PRKAG2: variants seen among roughly 807,000 people sequenced by gnomAD.
PRKAG2 encodes 5'-AMP-activated protein kinase subunit gamma-2.
In PRKAG2, 26 loss-of-function variants were observed where a neutral mutation model predicts 69.6. The observed-to-expected ratio is 0.37, with a 90% CI of 0.27 to 0.52. The LOEUF (loss-of-function observed/expected upper bound fraction) is 0.52. Among genes scored for constraint, PRKAG2 ranks in the 20% least tolerant of loss-of-function variants. The pLI is 0.90. For synonymous variants in PRKAG2, 293 were observed against 285.0 expected (o/e 1.03, Z -0.28); for missense variants, 557 against 740.0 (o/e 0.75, Z 2.87).
intron 4 of PRKAG2, among the ~76,000 whole-genome samples, chr7:151,650,752 A>C (rs777835251): frequency 1.3e-5 from 2 of 152,182 alleles, no homozygotes; most frequent in Non-Finnish European, 2.9e-5. Flanking sequence ...CTCCTACTCC[A>C]GGGGAGAAGG....
intron 1 of PRKAG2, among the ~76,000 whole-genome samples, chr7:151,857,168 T>C (rs113821051): frequency 7.8e-5 from 11 of 141,148 alleles, no homozygotes; most frequent in Non-Finnish European, 1.2e-4. Flanking sequence ...GTATAAGGGA[T>C]GGGCACAGAA....
At chr7:151,859,156 C>T (rs556734254) in intron 1 of PRKAG2, among the ~76,000 whole-genome samples, 4 of 152,246 alleles carry the variant, frequency 2.6e-5, no homozygotes, top group Non-Finnish European at 5.9e-5. Context: ...AGCAAACAGC[C>T]GATACCACAT....
At chr7:151,573,685 T>C (rs1431065934) in intron 8 of PRKAG2, among the ~76,000 whole-genome samples, 1 of 152,182 alleles carries the variant, frequency 6.6e-6, no homozygotes, top group Non-Finnish European at 1.5e-5. Context: ...AAGCCCGTGT[T>C]CACTTGCATT....
At chr7:151,675,779 G>C in intron 3 of PRKAG2, 142 bp from the exon 4 acceptor site, 1 of 803,842 alleles carries the variant, frequency 1.2e-6, no homozygotes, top group Non-Finnish European at 2.1e-6. Context: ...GGGGCAGTCA[G>C]AGGTCCGGCC....
At chr7:151,841,968 G>A (rs1234366680) in intron 1 of PRKAG2, among the ~76,000 whole-genome samples, 1 of 145,574 alleles carries the variant, frequency 6.9e-6, no homozygotes, top group African/African-American at 2.6e-5. Flanking sequence ...TGGTAGGTAG[G>A]GATGGTAGTG....
At chr7:151,752,260 A>T (rs2074743992) in intron 3 of PRKAG2, among the ~76,000 whole-genome samples, 1 of 152,242 alleles carries the variant, frequency 6.6e-6, no homozygotes, top group Admixed American at 6.5e-5. Context: ...GGGAACATGG[A>T]TGGAGCTGGA....
chr7:151,694,858 A>G (rs1836326749), intron 3 of PRKAG2, among the ~76,000 whole-genome samples: 1 of 152,222 alleles, frequency 6.6e-6, no homozygotes, highest in Non-Finnish European at 1.5e-5. Flanking sequence ...GGGCCAGAGC[A>G]AGGAGTAAGG....
intron 3 of PRKAG2, among the ~76,000 whole-genome samples, chr7:151,679,785 C>A (rs919146963): frequency 6.6e-6 from 1 of 152,074 alleles, no homozygotes; most frequent in African/African-American, 2.4e-5. Flanking sequence ...CTAGCCCTGG[C>A]CAGGTGCGGT....
intron 4 of PRKAG2, among the ~76,000 whole-genome samples, chr7:151,672,830 C>T (rs561595012): frequency 1.4e-4 from 22 of 152,246 alleles, no homozygotes; most frequent in Admixed American, 3.3e-4. Flanking sequence ...CTGCCAGCCG[C>T]GTGCTGGGCA....
chr7:151,861,294 G>A (rs574096317), intron 1 of PRKAG2, among the ~76,000 whole-genome samples: 1 of 152,286 alleles, frequency 6.6e-6, no homozygotes, highest in African/African-American at 2.4e-5. Flanking sequence ...ACTTTGGGAG[G>A]CTGAGGCGGG....
intron 4 of PRKAG2, among the ~76,000 whole-genome samples, chr7:151,659,419 T>G (rs1166238404): frequency 6.6e-6 from 1 of 152,156 alleles, no homozygotes; most frequent in Admixed American, 6.5e-5. Flanking sequence ...ATGCACTGAG[T>G]CTACTGGTTC....
At chr7:151,604,038 G>A (rs796259586) in intron 5 of PRKAG2, among the ~76,000 whole-genome samples, 1 of 152,210 alleles carries the variant, frequency 6.6e-6, no homozygotes, top group African/African-American at 2.4e-5. Flanking sequence ...ACTGGTGGGT[G>A]GCTTGTGGAG....
intron 1 of PRKAG2, among the ~76,000 whole-genome samples, chr7:151,796,189 C>T (rs568070977): frequency 7.9e-5 from 12 of 152,000 alleles, no homozygotes; most frequent in Non-Finnish European, 1.3e-4. Flanking sequence ...AAAAGCAGGC[C>T]GCTGTTTGGA....
chr7:151,701,580 A>C (rs1172583736), intron 3 of PRKAG2, among the ~76,000 whole-genome samples: 5 of 152,160 alleles, frequency 3.3e-5, no homozygotes, highest in African/African-American at 1.2e-4. Context: ...GTGGTGGCTC[A>C]CACCTGTAAT....
chr7:151,702,803 G>A (rs73728277), intron 3 of PRKAG2, among the ~76,000 whole-genome samples: 1 of 152,212 alleles, frequency 6.6e-6, no homozygotes, highest in Non-Finnish European at 1.5e-5. Context: ...AGGGGATGAG[G>A]TGATGGCAAG....
At chr7:151,674,928 C>T (rs1832665010) in intron 4 of PRKAG2, 1 of 169,932 alleles carries the variant, frequency 5.9e-6, no homozygotes, top group Non-Finnish European at 1.3e-5. Flanking sequence ...TTCTTTTTTT[C>T]TTTTTTTTTT....
At chr7:151,735,962 T>C in intron 3 of PRKAG2, 3 of 1,536,414 alleles carry the variant, frequency 2.0e-6, no homozygotes, top group Non-Finnish European at 2.6e-6. Flanking sequence ...CTTGTGTTTC[T>C]TGTTGCTCCT....
At chr7:151,791,344 G>T (rs931111915) in intron 1 of PRKAG2, among the ~76,000 whole-genome samples, 1 of 152,182 alleles carries the variant, frequency 6.6e-6, no homozygotes, top group African/African-American at 2.4e-5. Context: ...CAGGCTCCTG[G>T]ATGTGCCCCA....
intron 1 of PRKAG2, among the ~76,000 whole-genome samples, chr7:151,834,519 C>T (rs1267829353): frequency 3.3e-5 from 5 of 151,966 alleles, no homozygotes; most frequent in South Asian, 2.1e-4. Flanking sequence ...AATAAAGGCA[C>T]GGGTGTCCCT....
Sources: allele counts gnomAD v4.1 joint callset (sites outside exome capture counted in the v4.1 genomes callset), GRCh38; gene constraint gnomAD v4.1.1; transcripts MANE v1.5; gene names NCBI Gene and HGNC (gene_info 2026-07-23, HGNC 2026-07-21).